Variants in DCDC1 observed in about 807,000 individuals in gnomAD.
DCDC1 encodes doublecortin domain containing 1, also known as doublecortin domain-containing protein 1.
In DCDC1, 200 loss-of-function variants were observed where a neutral mutation model predicts 178.3. That is an observed-to-expected ratio of 1.12 (90% CI 1.00 to 1.26). The LOEUF is 1.26. Among genes scored for constraint, DCDC1 ranks in the 50% most tolerant of loss-of-function variants. DCDC1 has a pLI of 0.00. For missense variants in DCDC1, 1,983 were observed against 1,749.2 expected (o/e 1.13, Z -2.38); for synonymous variants, 690 against 604.8 (o/e 1.14, Z -2.07).
intron 21 of DCDC1, among the ~76,000 whole-genome samples, chr11:30,951,950 A>T (rs1948452367): frequency 6.6e-6 from 1 of 152,178 alleles, no homozygotes; most frequent in Non-Finnish European, 1.5e-5. Flanking sequence ...TTGCCAGATA[A>T]AATTTTTAAA....
At chr11:31,227,246 A>G (rs1189596780) in intron 9 of DCDC1, among the ~76,000 whole-genome samples, 1 of 152,184 alleles carries the variant, frequency 6.6e-6, no homozygotes, top group African/African-American at 2.4e-5. Context: ...GCATGGCTCC[A>G]GCATCTGCCT....
At chr11:31,070,883 G>A (rs1387931549) in intron 18 of DCDC1, among the ~76,000 whole-genome samples, 1 of 152,088 alleles carries the variant, frequency 6.6e-6, no homozygotes, top group Non-Finnish European at 1.5e-5. Context: ...AAGTATGGCA[G>A]GCAAGTCTGC....
intron 9 of DCDC1, among the ~76,000 whole-genome samples, chr11:31,203,471 C>T (rs933647741): frequency 2.0e-5 from 3 of 152,168 alleles, no homozygotes; most frequent in Non-Finnish European, 4.4e-5. Context: ...ACCTATATAA[C>T]GGCTGCTCTA....
At chr11:30,960,622 C>T (rs1330053479) in intron 20 of DCDC1, among the ~76,000 whole-genome samples, 2 of 152,064 alleles carry the variant, frequency 1.3e-5, no homozygotes, top group East Asian at 3.9e-4. Context: ...TTGCAGGCAG[C>T]CTTTTCGTAG....
At chr11:31,326,921 A>G (rs906043553) in intron 3 of DCDC1, among the ~76,000 whole-genome samples, 1 of 152,144 alleles carries the variant, frequency 6.6e-6, no homozygotes, top group Non-Finnish European at 1.5e-5. Flanking sequence ...AATGTATGAC[A>G]AATATCTTTT....
chr11:31,139,459 T>A (rs935744612), intron 9 of DCDC1, among the ~76,000 whole-genome samples: 2 of 152,198 alleles, frequency 1.3e-5, no homozygotes, highest in African/African-American at 4.8e-5. Flanking sequence ...AAGCATCTGT[T>A]TATTTGATCA....
chr11:31,344,044 T>C (rs2133239700), intron 1 of DCDC1, among the ~76,000 whole-genome samples: 1 of 152,288 alleles, frequency 6.6e-6, no homozygotes, highest in Admixed American at 6.5e-5. Context: ...CTGTAATGTA[T>C]CTATAAACAG....
intron 20 of DCDC1, among the ~76,000 whole-genome samples, chr11:31,053,771 TC>T (rs1255918226): frequency 2.6e-5 from 4 of 152,100 alleles, no homozygotes; most frequent in African/African-American, 4.8e-5. Flanking sequence ...AAATCCAGCA[TC>T]CCTTTATGAT....
chr11:31,303,391 A>G (rs1948243382), intron 6 of DCDC1, among the ~76,000 whole-genome samples: 1 of 152,212 alleles, frequency 6.6e-6, no homozygotes, highest in South Asian at 2.1e-4. Flanking sequence ...AGCATGTTCA[A>G]TTATCCAACT....
At chr11:30,934,442 G>C (rs937328965) in intron 21 of DCDC1, among the ~76,000 whole-genome samples, 6 of 152,158 alleles carry the variant, frequency 3.9e-5, no homozygotes, top group African/African-American at 1.2e-4. Flanking sequence ...GGGGTATATG[G>C]AGAGCTGAAT....
At chr11:30,900,545 T>C in intron 32 of DCDC1, 47 bp from the exon 33 acceptor site, 1 of 1,363,256 alleles carries the variant, frequency 7.3e-7, no homozygotes. Flanking sequence ...GAATAATGAA[T>C]AAATTTGTTT....
At chr11:30,968,418 CCA>C (rs1284191710) in intron 20 of DCDC1, among the ~76,000 whole-genome samples, 8 of 151,744 alleles carry the variant, frequency 5.3e-5, no homozygotes, top group African/African-American at 1.9e-4. Context: ...AAGCGATCAA[CCA>C]CAGTCTGAAA....
intron 21 of DCDC1, among the ~76,000 whole-genome samples, chr11:30,937,726 AT>A (rs1350614002): frequency 4.6e-5 from 7 of 151,828 alleles, no homozygotes; most frequent in African/African-American, 1.7e-4. Flanking sequence ...CCATCCATCA[AT>A]CTTCCACAGT....
At chr11:31,174,099 A>C (rs927346142) in intron 9 of DCDC1, among the ~76,000 whole-genome samples, 1 of 152,138 alleles carries the variant, frequency 6.6e-6, no homozygotes, top group Non-Finnish European at 1.5e-5. Context: ...AGACCCAGGC[A>C]TCCCTGTGCT....
chr11:31,229,245 T>C (rs1349265514), intron 9 of DCDC1, among the ~76,000 whole-genome samples: 2 of 152,018 alleles, frequency 1.3e-5, no homozygotes, highest in East Asian at 3.9e-4. Context: ...CTCAACTCAT[T>C]TGATGAAGCC....
chr11:30,962,175 T>C (rs1276947548), intron 20 of DCDC1, among the ~76,000 whole-genome samples: 1 of 152,112 alleles, frequency 6.6e-6, no homozygotes, highest in Non-Finnish European at 1.5e-5. Context: ...GACTGCAGCA[T>C]TATTAATTTG....
At chr11:30,944,308 A>T (rs273605) in intron 21 of DCDC1, 308,580 of 456,062 alleles carry the variant, frequency 0.68, 105,620 homozygotes, top group Middle Eastern at 0.77. Flanking sequence ...TTAGGAACCA[A>T]GTCTATCTCC....
At chr11:31,179,974 T>C (rs921497711) in intron 9 of DCDC1, among the ~76,000 whole-genome samples, 16 of 152,168 alleles carry the variant, frequency 1.1e-4, no homozygotes, top group African/African-American at 3.6e-4. Flanking sequence ...AATGCAAGGG[T>C]GATTCAACAT....
intron 1 of DCDC1, among the ~76,000 whole-genome samples, chr11:31,337,459 G>A (rs531096465): frequency 2.6e-5 from 4 of 152,288 alleles, no homozygotes; most frequent in East Asian, 1.9e-4. Context: ...GCTTGAGTCC[G>A]GGAGTTTGAG....
Sources: allele counts gnomAD v4.1 joint callset (sites outside exome capture counted in the v4.1 genomes callset), GRCh38; gene constraint gnomAD v4.1.1; transcripts MANE v1.5; gene names NCBI Gene and HGNC (gene_info 2026-07-23, HGNC 2026-07-21).